Variants in FARSB observed in about 807,000 individuals in gnomAD.
FARSB encodes the protein phenylalanine--tRNA ligase beta subunit.
Under a neutral mutation model 69.6 loss-of-function variants are expected in FARSB, and 40 were observed. That is an observed-to-expected ratio of 0.57 (90% CI 0.45 to 0.75). FARSB has a LOEUF of 0.75. Among genes scored for constraint, FARSB ranks in the 30% least tolerant of loss-of-function variants. The pLI is 0.00. For synonymous variants in FARSB, 235 were observed against 247.2 expected (o/e 0.95, Z 0.46); for missense variants, 632 against 722.9 (o/e 0.87, Z 1.44).
intron 3 of FARSB, among the ~76,000 whole-genome samples, chr2:222,641,389 G>A (rs1337110691): frequency 6.6e-6 from 1 of 152,162 alleles, no homozygotes; most frequent in African/African-American, 2.4e-5. Flanking sequence ...ACAAAGATTT[G>A]GTAAATGGTG....
chr2:222,644,343 T>C (rs966998773), intron 2 of FARSB, among the ~76,000 whole-genome samples: 2 of 151,774 alleles, frequency 1.3e-5, no homozygotes, highest in Admixed American at 1.3e-4. Flanking sequence ...GGAGGCAAAT[T>C]TTTATAATTA....
chr2:222,585,691 T>C (rs1690094163), intron 16 of FARSB, among the ~76,000 whole-genome samples: 1 of 152,200 alleles, frequency 6.6e-6, no homozygotes, highest in Non-Finnish European at 1.5e-5. Flanking sequence ...CTGATGGAGC[T>C]GAAAACCATG....
intron 16 of FARSB, among the ~76,000 whole-genome samples, chr2:222,598,074 C>T (rs1690467269): frequency 6.6e-6 from 1 of 152,184 alleles, no homozygotes; most frequent in Non-Finnish European, 1.5e-5. Flanking sequence ...CCCCTGTCTC[C>T]ACCTATTCTT....
rs562069234 is a variant in FARSB, at chr2:222,604,331, A to C, written c.1463-4248T>G. ...AGAATTCCATTTAAGCAACTGAAAT[A>C]AATTATTTTTAAGAGTCAGTGAAGT... On this transcript the variant is annotated intron_variant, in intron 15 of 16. Coordinates refer to ENST00000281828, the MANE Select transcript of FARSB (RefSeq NM_005687.5). Among the ~76,000 whole-genome samples, 3 of 152,266 alleles carry C rather than the reference A, an allele frequency of 2.0e-5. No homozygotes were observed. The South Asian group carries it at 6.2e-4, about 32-fold the overall frequency.
chr2:222,614,440 A>G (rs749141496), intron 14 of FARSB, among the ~76,000 whole-genome samples: 2 of 152,212 alleles, frequency 1.3e-5, no homozygotes, highest in Non-Finnish European at 2.9e-5. Flanking sequence ...TTATCATTTT[A>G]AAAACTAAAG....
intron 15 of FARSB, among the ~76,000 whole-genome samples, chr2:222,601,800 A>C (rs1166753847): frequency 1.3e-5 from 2 of 152,010 alleles, no homozygotes; most frequent in Non-Finnish European, 2.9e-5. Flanking sequence ...GGTAGCTGGG[A>C]CCATAGGCAC....
intron 5 of FARSB, among the ~76,000 whole-genome samples, chr2:222,638,746 G>A (rs574437626): frequency 6.6e-6 from 1 of 152,240 alleles, no homozygotes; most frequent in East Asian, 1.9e-4. Context: ...GCAAATAGCT[G>A]CAGCAGATCT....
chr2:222,616,045 T>G (rs1574933900), intron 14 of FARSB, among the ~76,000 whole-genome samples: 1 of 152,334 alleles, frequency 6.6e-6, no homozygotes, highest in Middle Eastern at 3.4e-3. Flanking sequence ...AAATTAAACC[T>G]GAATCTGATC....
At chr2:222,588,058 A>G (rs1173129962) in intron 16 of FARSB, among the ~76,000 whole-genome samples, 3 of 152,222 alleles carry the variant, frequency 2.0e-5, no homozygotes, top group African/African-American at 7.2e-5. Context: ...ACAACAAAAA[A>G]AAAGAGAATT....
intron 15 of FARSB, among the ~76,000 whole-genome samples, chr2:222,610,540 CAG>C (rs1690822215): frequency 6.6e-6 from 1 of 150,680 alleles, no homozygotes; most frequent in African/African-American, 2.4e-5. Context: ...AAAAGCATAA[CAG>C]AACCAATTAA....
intron 16 of FARSB, among the ~76,000 whole-genome samples, chr2:222,572,770 G>C (rs1689748377): frequency 6.6e-6 from 1 of 152,140 alleles, no homozygotes; most frequent in African/African-American, 2.4e-5. Flanking sequence ...AGCTTACCAA[G>C]GCAGTAACAG....
intron 14 of FARSB, among the ~76,000 whole-genome samples, chr2:222,616,680 A>G (rs747830566): frequency 3.3e-5 from 5 of 152,098 alleles, no homozygotes; most frequent in Non-Finnish European, 7.3e-5. Flanking sequence ...TTGTCACTAT[A>G]ATAAAATTTT....
rs937765194 is a variant in FARSB, at chr2:222,633,649, T to A, written c.607-342A>T. Reference sequence around the variant, plus strand: ...GTGAGCTGAGATTGTGCCATTGCACTCCAGCCTGGGCAACAAGAGCGAAAC... The same window carrying A: ...GTGAGCTGAGATTGTGCCATTGCACACCAGCCTGGGCAACAAGAGCGAAAC... On this transcript the variant is annotated intron_variant, in intron 6 of 16. Transcript: ENST00000281828. Among the ~76,000 whole-genome samples, 9 of 124,564 alleles carry A rather than the reference T, an allele frequency of 7.2e-5. 1 individual carries two copies. The South Asian group carries it at 2.2e-3, about 31-fold the overall frequency. The allele number at this position is 124,564 out of a possible 152,430, so 81.7% of individuals were successfully genotyped here.
chr2:222,595,081 A>T (rs1194646500), intron 16 of FARSB, among the ~76,000 whole-genome samples: 1 of 152,238 alleles, frequency 6.6e-6, no homozygotes, highest in Non-Finnish European at 1.5e-5. Context: ...GAGGAATCAA[A>T]ACTGTTTCCA....
intron 5 of FARSB, among the ~76,000 whole-genome samples, chr2:222,639,287 T>C (rs761434713): frequency 2.2e-4 from 33 of 152,242 alleles, no homozygotes; most frequent in Non-Finnish European, 1.2e-4. Context: ...TCTCTAGGAC[T>C]AGATAATTCT....
intron 2 of FARSB, among the ~76,000 whole-genome samples, chr2:222,645,402 T>G (rs1393312042): frequency 6.6e-6 from 1 of 152,206 alleles, no homozygotes; most frequent in African/African-American, 2.4e-5. Flanking sequence ...ATTTCTCAAG[T>G]ATACAAATAG....
At chr2:222,574,836 T>A (rs1188944421) in intron 16 of FARSB, among the ~76,000 whole-genome samples, 1 of 152,186 alleles carries the variant, frequency 6.6e-6, no homozygotes, top group African/African-American at 2.4e-5. Context: ...ACAAATTAAG[T>A]GGTACGCACA....
chr2:222,599,678 C>T (rs1017389499), intron 16 of FARSB, among the ~76,000 whole-genome samples: 5 of 152,160 alleles, frequency 3.3e-5, no homozygotes, highest in Non-Finnish European at 5.9e-5. Context: ...TTAAAGGTGC[C>T]AGTAACTAGG....
At position 222,569,266 on chromosome 2, in the gene FARSB, G is replaced by A. The variant is rs1689677484; in HGVS notation, c.*2605C>T. The A allele has an allele frequency of 6.6e-6, 1 of 152,002 alleles. No homozygotes were observed. Among genetic ancestry groups the A allele is most frequent in the East Asian group, 1.9e-4 (1 of 5,184 alleles). 9.4% of individuals were successfully genotyped at this position (152,002 alleles called of 1,614,324 possible). ...TGGGTTTTTCATTACAAGTAATTTTGGCCACCCCCAAAAATATCCAGGTGG... is the reference window on the plus strand; with the variant it reads ...TGGGTTTTTCATTACAAGTAATTTTAGCCACCCCCAAAAATATCCAGGTGG... On this transcript the variant is annotated 3_prime_UTR_variant, in exon 17 of 17. Transcript: ENST00000281828.
Sources: gnomAD v4.1 joint callset for allele counts (sites outside exome capture counted in the v4.1 genomes callset) on GRCh38, gnomAD v4.1.1 for gene constraint, MANE v1.5 for transcripts, NCBI Gene and HGNC (gene_info 2026-07-23, HGNC 2026-07-21) for gene names.